NIT2: variants seen among roughly 807,000 people sequenced by gnomAD.
NIT2 encodes the protein omega-amidase NIT2.
A neutral mutation model predicts 42.7 loss-of-function variants in NIT2; 46 were observed. The ratio of observed to expected loss-of-function variants is 1.08; its 90% confidence interval spans 0.85 to 1.38. The LOEUF (loss-of-function observed/expected upper bound fraction) is 1.38. Ranked by LOEUF, NIT2 falls within the 40% of genes most tolerant of loss-of-function variation. The pLI, the probability that NIT2 is intolerant of heterozygous loss-of-function variation, is 0.00. For synonymous variants in NIT2, 123 were observed against 121.9 expected (o/e 1.01, Z -0.06); for missense variants, 309 against 342.5 (o/e 0.90, Z 0.77).
rs997563287 is a variant in NIT2, at chr3:100,359,187, T to G, written c.*3919T>G. 3 of 152,230 alleles carry G rather than the reference T, an allele frequency of 2.0e-5. No individual in the cohort carries two copies. The highest frequency in any genetic ancestry group is 4.4e-5 in the Non-Finnish European group (3 of 68,036). The allele number at this position is 152,230 out of a possible 1,614,324, so 9.4% of individuals were successfully genotyped here. On this transcript the variant is annotated 3_prime_UTR_variant, in exon 10 of 10. Coordinates refer to ENST00000394140, the MANE Select transcript of NIT2 (RefSeq NM_020202.5). ...AACACATACATACAAAGACAGTGCT[T>G]CTTGTTCAATGATTTACTTCACAGC... is the stretch of plus-strand genomic sequence containing the variant.
At chr3:100,340,084 T>A (rs959140058) in intron 3 of NIT2, 149 bp downstream of exon 3, 1 of 621,934 alleles carries the variant, frequency 1.6e-6, no homozygotes, top group Non-Finnish European at 2.6e-6. Flanking sequence ...TTATTTATTT[T>A]TTTTGAGGTG....
Position 100,339,115 on chromosome 3 carries a change from G to A in NIT2, c.36G>A (p.Gln12=). Residue 12 remains glutamine (Q), a synonymous_variant, in exon 2 of 10, where the codon CAG becomes CAA. Transcript: ENST00000394140. ...TCCGCTTGGCCCTCATCCAGCTTCA[G>A]ATTTCTTCCATCAAATCAGATAACG... ...TSFRLALIQL[Q]ISSIKSDNVT... is the part of the protein sequence containing the mutation. 6.2e-7 allele frequency: 1 copy of A among 1,614,030 alleles called. No individual in the cohort carries two copies. The highest frequency in any genetic ancestry group is 1.1e-5 in the South Asian group (1 of 91,084).
chr3:100,339,468 C>A (rs572454895), intron 2 of NIT2, among the ~76,000 whole-genome samples: 2 of 152,130 alleles, frequency 1.3e-5, no homozygotes, highest in African/African-American at 2.4e-5. Context: ...GAGGGACTTA[C>A]GGAAAACTAA....
At chr3:100,337,978 A>G (rs1406780361) in intron 1 of NIT2, among the ~76,000 whole-genome samples, 2 of 152,148 alleles carry the variant, frequency 1.3e-5, no homozygotes. Flanking sequence ...GGCTGAGACA[A>G]GAGGATTGCC....
In NIT2 at chr3:100,339,997, G is replaced by A. The variant is rs780142580; in HGVS notation, c.247+62G>A. On this transcript the variant is annotated intron_variant, in intron 3 of 9. Transcript: ENST00000394140. ...TTAGAAACATCTGAATGAGTCAGGT[G>A]TGGTGGCGTGCGCCTGTATTCCCTA... is the stretch of plus-strand genomic sequence containing the variant. 51 of 1,454,484 alleles carry A rather than the reference G, an allele frequency of 3.5e-5. 1 individual carries two copies. The highest frequency in any genetic ancestry group is 1.9e-4 in the Middle Eastern group (1 of 5,394). 90.1% of individuals were successfully genotyped at this position (1,454,484 alleles called of 1,614,324 possible).
intron 3 of NIT2, 136 bp from the exon 4 acceptor site, chr3:100,340,937 A>G: frequency 1.6e-6 from 1 of 625,918 alleles, no homozygotes. Context: ...GCCTTATTCT[A>G]AAAACAAAAT....
At position 100,341,178 on chromosome 3, in the gene NIT2, G is replaced by C; in HGVS notation, c.336+17G>C. The C allele has an allele frequency of 6.3e-7, 1 of 1,582,410 alleles. No individual in the cohort carries two copies. The highest frequency in any genetic ancestry group is 8.7e-7 in the Non-Finnish European group (1 of 1,151,340). On this transcript the variant is annotated intron_variant, in intron 4 of 9. Coordinates refer to ENST00000394140, the MANE Select transcript of NIT2 (RefSeq NM_020202.5). ...TATAGAAAGGTAAGTAGGAAGTGTG[G>C]CATAAGAATTTGTTATCTCTAAGCC...
Position 100,355,253 on chromosome 3 carries a change from G to T in NIT2, c.816G>T (p.Glu272Asp). 1 of 1,613,356 alleles carries T rather than the reference G, an allele frequency of 6.2e-7. No individual in the cohort carries two copies. Residue 272 changes from glutamate (E) to aspartate (D), a missense_variant, in exon 10 of 10, where the codon GAG becomes GAT. Transcript: ENST00000394140. ...AGCGATCAGACCTCTATGCTGTGGA[G>T]ATGAAAAAGCCCTAAAGTTTATGTT... is the stretch of plus-strand genomic sequence containing the variant. ...RQKRSDLYAV[E>D]MKKP
chr3:100,354,804 A>C lies in NIT2; in HGVS notation c.716A>C (p.Glu239Ala), dbSNP rs777822640. Residue 239 changes from glutamate (E) to alanine (A), a missense_variant, in exon 9 of 10, where the codon GAA (glutamate) becomes GCA (alanine). Glu to Ala is a moderately radical substitution (Grantham distance 107). Transcript: ENST00000394140. ...GEVLAKAGTE[E>A]AIVYSDIDLK... is the part of the protein sequence containing the mutation. ...GTTCTAGCCAAAGCTGGCACAGAAG[A>C]AGCAATCGTGTATTCAGACATAGGT... 4 of 1,610,732 alleles carry C rather than the reference A, an allele frequency of 2.5e-6. No individual in the cohort carries two copies. The highest frequency in any genetic ancestry group is 1.1e-5 in the South Asian group (1 of 89,860).
Position 100,352,441 on chromosome 3 carries a change from C to A in NIT2, c.622C>A (p.Pro208Thr). The change falls in exon 8 of 10, where the codon CCT becomes ACT. Residue 208 changes from proline (P) to threonine (T), a missense_variant. By Grantham distance (38) the Pro-to-Thr change is conservative (BLOSUM62 -1). Coordinates refer to ENST00000394140, the MANE Select transcript of NIT2 (RefSeq NM_020202.5). Reference sequence around the variant, plus strand: ...TCAGGTGTATGTGGCCACAGCCTCTCCTGCCCGGGATGACAAAGCCTCCTA... The same window carrying A: ...TCAGGTGTATGTGGCCACAGCCTCTACTGCCCGGGATGACAAAGCCTCCTA... ...DNQVYVATAS[P>T]ARDDKASYVA... 6.2e-7 allele frequency: 1 copy of A among 1,613,548 alleles called. No homozygotes were observed. The highest frequency in any genetic ancestry group is 8.5e-7 in the Non-Finnish European group (1 of 1,179,608).
intron 7 of NIT2, 128 bp from the exon 8 acceptor site, chr3:100,352,276 T>G: frequency 3.1e-6 from 2 of 638,060 alleles, no homozygotes; most frequent in East Asian, 5.8e-5. Context: ...TCCATGGCTC[T>G]GGCTTCCTTC....
intron 4 of NIT2, among the ~76,000 whole-genome samples, chr3:100,345,306 A>T (rs905512909): frequency 6.6e-6 from 1 of 152,206 alleles, no homozygotes; most frequent in Non-Finnish European, 1.5e-5. Context: ...AAAAAGCAAC[A>T]TATTAGTTAC....
chr3:100,361,029 T>C lies in NIT2; in HGVS notation c.*5761T>C, dbSNP rs978599485. Reference sequence around the variant, plus strand: ...CCATGGGATCTGTGGCTCAAACTCATGTTGCTTGCTATGTTCTAAATAATT... The same window carrying C: ...CCATGGGATCTGTGGCTCAAACTCACGTTGCTTGCTATGTTCTAAATAATT... On this transcript the variant is annotated 3_prime_UTR_variant, in exon 10 of 10. Transcript: ENST00000394140. 6.5e-6 allele frequency: 1 copy of C among 152,766 alleles called. No individual in the cohort carries two copies. Among genetic ancestry groups the C allele is most frequent in the Non-Finnish European group, 1.5e-5 (1 of 68,050 alleles). 9.5% of individuals were successfully genotyped at this position (152,766 alleles called of 1,614,324 possible). A position where few individuals can be genotyped will look rare whatever the true frequency, so the allele number is the denominator to read the frequency against.
intron 7 of NIT2, among the ~76,000 whole-genome samples, chr3:100,351,019 C>T (rs1044567893): frequency 6.6e-6 from 1 of 152,048 alleles, no homozygotes; most frequent in Non-Finnish European, 1.5e-5. Context: ...ATCCATGTCC[C>T]TACAAAGGAC....
intron 7 of NIT2, 46 bp from the exon 8 acceptor site, chr3:100,352,358 A>G: frequency 1.4e-6 from 2 of 1,459,746 alleles, no homozygotes; most frequent in Non-Finnish European, 1.9e-6. Context: ...GAAAAATGTC[A>G]GATTTATAAT....
intron 3 of NIT2, among the ~76,000 whole-genome samples, chr3:100,340,520 A>G (rs941964240): frequency 1.3e-5 from 2 of 152,236 alleles, no homozygotes; most frequent in Admixed American, 6.5e-5. Context: ...TTCTATAAAT[A>G]TAGCAAATAC....
rs769772271 is a variant in NIT2 at position 100,339,904 on chromosome 3, A to G, written c.216A>G (p.Val72=). The G allele has an allele frequency of 1.2e-6, 2 of 1,613,940 alleles. No individual in the cohort carries two copies. Among genetic ancestry groups the G allele is most frequent in the Non-Finnish European group, 1.7e-6 (2 of 1,179,880 alleles). Residue 72 remains valine (V), a synonymous_variant, in exon 3 of 10, where the codon GTA becomes GTG. Coordinates refer to ENST00000394140, the MANE Select transcript of NIT2 (RefSeq NM_020202.5). ...AATCCACACAGAAGCTTTCTGAAGT[A>G]GCAAAGGAATGCAGCATATATCTCA... is the stretch of plus-strand genomic sequence containing the variant. ...PGESTQKLSE[V]AKECSIYLIG...
intron 8 of NIT2, 24 bp from the exon 9 acceptor site, chr3:100,354,748 C>A (rs1452542450): frequency 1.9e-6 from 3 of 1,591,264 alleles, no homozygotes; most frequent in Admixed American, 3.4e-5. Flanking sequence ...TGAATCCACT[C>A]ATTCTCTTCT....
At position 100,355,439 on chromosome 3, in the gene NIT2, A is replaced by C; in HGVS notation, c.*171A>C. 1 of 548,066 alleles carries C rather than the reference A, an allele frequency of 1.8e-6. No individual in the cohort carries two copies. Among genetic ancestry groups the C allele is most frequent in the South Asian group, 2.7e-5 (1 of 37,474 alleles). The allele number at this position is 548,066 out of a possible 1,614,324, so 34.0% of individuals were successfully genotyped here. A position where few individuals can be genotyped will look rare whatever the true frequency, so the allele number is the denominator to read the frequency against. ...TGCTGACATTTTCCACGCCACATTA[A>C]ATAGTTAAAAAGGATGCAGCCTGGA... On this transcript the variant is annotated 3_prime_UTR_variant, in exon 10 of 10. Coordinates refer to ENST00000394140, the MANE Select transcript of NIT2 (RefSeq NM_020202.5).
Sources: allele counts gnomAD v4.1 joint callset (sites outside exome capture counted in the v4.1 genomes callset), GRCh38; gene constraint gnomAD v4.1.1; transcripts MANE v1.5; gene names NCBI Gene and HGNC (gene_info 2026-07-23, HGNC 2026-07-21).